SRGAP2: variants seen among roughly 807,000 people sequenced by gnomAD.
The protein encoded by SRGAP2 is SLIT-ROBO Rho GTPase activating protein 2.
A neutral mutation model predicts 57.2 loss-of-function variants in SRGAP2; 15 were observed. The ratio of observed to expected loss-of-function variants is 0.26; its 90% CI spans 0.18 to 0.40. The LOEUF is 0.40. Ranked by LOEUF, SRGAP2 falls within the 10% of genes least tolerant of loss-of-function variation. The pLI is 1.00. For synonymous variants in SRGAP2, 249 were observed against 248.0 expected (o/e 1.00, Z -0.04); for missense variants, 520 against 669.6 (o/e 0.78, Z 2.47).
chr1:206,459,017 A>G, intron 22 of SRGAP2, 70 bp downstream of exon 22: 1 of 649,564 alleles, frequency 1.5e-6, no homozygotes, highest in Non-Finnish European at 2.8e-6. Flanking sequence ...CACCCACCTA[A>G]TTATGACAGG....
At chr1:206,236,294 TC>T (rs1379896560) in intron 2 of SRGAP2, among the ~76,000 whole-genome samples, 1 of 152,018 alleles carries the variant, frequency 6.6e-6, no homozygotes, top group African/African-American at 2.4e-5. Context: ...GGTATAGAAG[TC>T]CAGCATTCTA....
chr1:206,220,930 C>T (rs1385982978), intron 2 of SRGAP2, among the ~76,000 whole-genome samples: 1 of 147,326 alleles, frequency 6.8e-6, no homozygotes, highest in African/African-American at 2.6e-5. Context: ...TTATTTAGCA[C>T]CTACTGTATG....
chr1:206,302,721 C>T (rs1671943062), intron 2 of SRGAP2, among the ~76,000 whole-genome samples: 2 of 151,086 alleles, frequency 1.3e-5, no homozygotes, highest in East Asian at 3.9e-4. Flanking sequence ...TTAAAATATC[C>T]TGACCTTCAT....
chr1:206,372,018 A>G (rs1478681766), intron 4 of SRGAP2, among the ~76,000 whole-genome samples: 1 of 85,178 alleles, frequency 1.2e-5, no homozygotes, highest in Non-Finnish European at 2.0e-5. Context: ...GAGAGGGTCT[A>G]TCTGTTGCCC....
chr1:206,449,331 A>T (rs148938566), intron 18 of SRGAP2, among the ~76,000 whole-genome samples: 8 of 128,144 alleles, frequency 6.2e-5, no homozygotes, highest in Non-Finnish European at 9.4e-5. Context: ...TTGCTCTGTC[A>T]CCCAGGCCAG....
chr1:206,322,316 G>A (rs1390221321), intron 3 of SRGAP2, among the ~76,000 whole-genome samples: 2 of 145,554 alleles, frequency 1.4e-5, no homozygotes, highest in East Asian at 4.1e-4. Context: ...GCTCACACCT[G>A]TAATCCCAGT....
At chr1:206,449,376 C>T (rs997617962) in intron 18 of SRGAP2, among the ~76,000 whole-genome samples, 4 of 149,426 alleles carry the variant, frequency 2.7e-5, no homozygotes, top group Non-Finnish European at 5.9e-5. Flanking sequence ...ACTGCAGCCT[C>T]GACTTCCCAG....
At chr1:206,369,885 C>CA (rs1654366085) in intron 4 of SRGAP2, among the ~76,000 whole-genome samples, 1 of 151,732 alleles carries the variant, frequency 6.6e-6, no homozygotes, top group African/African-American at 2.4e-5. Context: ...TGTGACCCAT[C>CA]AATTCCACAT....
chr1:206,421,615 A>G (rs545275307), intron 13 of SRGAP2, among the ~76,000 whole-genome samples: 1 of 152,340 alleles, frequency 6.6e-6, no homozygotes, highest in Non-Finnish European at 1.5e-5. Flanking sequence ...TTGTGCTAAC[A>G]TATCAGTAAC....
chr1:206,284,695 C>T (rs1374863805), intron 2 of SRGAP2, among the ~76,000 whole-genome samples: 8 of 152,166 alleles, frequency 5.3e-5, no homozygotes, highest in South Asian at 2.1e-4. Context: ...GTGGTCCTCC[C>T]GCTTCGGCCT....
At chr1:206,378,910 G>T (rs1655468563) in intron 4 of SRGAP2, among the ~76,000 whole-genome samples, 1 of 152,122 alleles carries the variant, frequency 6.6e-6, no homozygotes. Flanking sequence ...ATGCTGTATT[G>T]CAATAAAAAA....
At chr1:206,325,841 G>A (rs1326467232) in intron 3 of SRGAP2, among the ~76,000 whole-genome samples, 4 of 152,190 alleles carry the variant, frequency 2.6e-5, no homozygotes. Flanking sequence ...TTGAAAGGCA[G>A]ATTCCTGGGC....
intron 19 of SRGAP2, among the ~76,000 whole-genome samples, chr1:206,452,298 A>T (rs974864729): frequency 6.6e-6 from 1 of 152,094 alleles, no homozygotes; most frequent in Non-Finnish European, 1.5e-5. Flanking sequence ...CATTTTTTTC[A>T]TAGGTTGGTC....
chr1:206,309,080 C>G (rs1325715565), intron 3 of SRGAP2, among the ~76,000 whole-genome samples: 1 of 141,888 alleles, frequency 7.0e-6, no homozygotes, highest in South Asian at 2.3e-4. Flanking sequence ...GTGGGAAGAT[C>G]GCTTCACTCC....
chr1:206,247,489 C>T (rs1668566832), intron 2 of SRGAP2, among the ~76,000 whole-genome samples: 1 of 152,062 alleles, frequency 6.6e-6, no homozygotes, highest in African/African-American at 2.4e-5. Context: ...TTTCTAAGAG[C>T]AGCCTGGTCC....
intron 4 of SRGAP2, among the ~76,000 whole-genome samples, chr1:206,360,408 T>C (rs1459485099): frequency 6.9e-6 from 1 of 145,984 alleles, no homozygotes; most frequent in Non-Finnish European, 1.5e-5. Context: ...AGAGGCATGA[T>C]ACAGTCTGAC....
intron 2 of SRGAP2, among the ~76,000 whole-genome samples, chr1:206,268,078 TATA>T (rs1300520703): frequency 7.0e-6 from 1 of 143,430 alleles, no homozygotes; most frequent in Non-Finnish European, 1.5e-5. Flanking sequence ...ACTATATATA[TATA>T]TTTTTTTTTT....
intron 2 of SRGAP2, among the ~76,000 whole-genome samples, chr1:206,295,943 C>T (rs1671567272): frequency 6.6e-6 from 1 of 150,638 alleles, no homozygotes; most frequent in Admixed American, 6.6e-5. Context: ...GCTATGTTGA[C>T]CAGGCTGGTC....
chr1:206,422,661 T>TG (rs138438088), intron 13 of SRGAP2, among the ~76,000 whole-genome samples: 1,554 of 152,328 alleles, frequency 0.01, 23 homozygotes, highest in African/African-American at 0.035. Flanking sequence ...GCAAGGGGTT[T>TG]GCAGCTCCAC....
Sources: allele counts gnomAD v4.1 joint callset (sites outside exome capture counted in the v4.1 genomes callset), GRCh38; gene constraint gnomAD v4.1.1; transcripts MANE v1.5; gene names NCBI Gene and HGNC (gene_info 2026-07-23, HGNC 2026-07-21).